The following SNX30 variants were observed in gnomAD, a reference collection of about 807,000 sequenced individuals.
SNX30 encodes sorting nexin family member 30, also known as sorting nexin-30.
SNX30 carries 24 observed loss-of-function variants against 46.4 expected under a neutral mutation model. The ratio of observed to expected loss-of-function variants is 0.52; its 90% CI spans 0.37 to 0.73. The LOEUF is 0.73. SNX30 is among the 30% of genes least tolerant of loss of function. SNX30 has a pLI of 0.00. For synonymous variants in SNX30, 189 were observed against 211.5 expected, an observed-to-expected ratio of 0.89 and a Z score of 0.92; for missense variants, 533 against 555.7, an observed-to-expected ratio of 0.96 and a Z score of 0.41.
At chr9:112,821,700 A>G (rs1376772734) in intron 3 of SNX30, among the ~76,000 whole-genome samples, 1 of 151,466 alleles carries the variant, frequency 6.6e-6, no homozygotes, top group Non-Finnish European at 1.5e-5. Context: ...GTTAGCCAGG[A>G]TGGTCTCCAT....
chr9:112,759,257 T>C (rs1022199251), intron 1 of SNX30, among the ~76,000 whole-genome samples: 1 of 152,170 alleles, frequency 6.6e-6, no homozygotes, highest in African/African-American at 2.4e-5. Flanking sequence ...TCTGACATAC[T>C]CCTCAGCCTC....
downstream of SNX30, among the ~76,000 whole-genome samples, chr9:112,882,737 G>A (rs1008970654): frequency 2.6e-5 from 4 of 152,084 alleles, no homozygotes; most frequent in South Asian, 2.1e-4. Context: ...TGGTGCCGCC[G>A]TTTAATGAGA....
chr9:112,788,948 A>G lies in SNX30; in HGVS notation c.157-15828A>G, dbSNP rs1030268987. 2.6e-5 allele frequency among the ~76,000 whole-genome samples: 4 copies of G among 152,112 alleles called. No homozygotes were observed. In the East Asian group the frequency reaches 7.7e-4, roughly 29 times the overall value. ...GTAGATGGGACCACAGGCATGCGCC[A>G]CCACGCCCAGCTAATTTTTGTATTT... is the stretch of plus-strand genomic sequence containing the variant. On this transcript the variant is annotated intron_variant, in intron 1 of 8. Coordinates refer to ENST00000374232, the MANE Select transcript of SNX30 (RefSeq NM_001012994.2).
At chr9:112,857,959 G>A (rs192219296) in intron 7 of SNX30, among the ~76,000 whole-genome samples, 23 of 152,254 alleles carry the variant, frequency 1.5e-4, no homozygotes, top group Admixed American at 4.6e-4. Flanking sequence ...TCCCATCCAC[G>A]TGACTCTTCT....
At chr9:112,842,810 G>A (rs1004463838) in intron 6 of SNX30, among the ~76,000 whole-genome samples, 2 of 152,228 alleles carry the variant, frequency 1.3e-5, no homozygotes, top group African/African-American at 4.8e-5. Flanking sequence ...AAGGCACTCG[G>A]AACAAATGGA....
intron 5 of SNX30, among the ~76,000 whole-genome samples, chr9:112,880,756 C>CCT (rs1841565983): frequency 6.6e-6 from 1 of 152,228 alleles, no homozygotes. Context: ...TCCTCTCCAT[C>CCT]CATTAGGCCA....
intron 2 of SNX30, among the ~76,000 whole-genome samples, chr9:112,816,584 A>C (rs560453595): frequency 5.3e-5 from 8 of 152,326 alleles, no homozygotes; most frequent in African/African-American, 1.9e-4. Flanking sequence ...CTTGAACTTC[A>C]CCATTTTGCT....
At chr9:112,773,328 C>T (rs1212611567) in intron 1 of SNX30, among the ~76,000 whole-genome samples, 1 of 152,030 alleles carries the variant, frequency 6.6e-6, no homozygotes, top group African/African-American at 2.4e-5. Flanking sequence ...AAAATCTCTT[C>T]TCATAACTGA....
chr9:112,763,365 T>TC (rs1460398966), intron 1 of SNX30, among the ~76,000 whole-genome samples: 2 of 118,550 alleles, frequency 1.7e-5, no homozygotes, highest in African/African-American at 3.3e-5. Context: ...TTAAACTTTT[T>TC]TTTTTTTTTT....
intron 2 of SNX30, among the ~76,000 whole-genome samples, chr9:112,807,644 A>G (rs1000506467): frequency 2.8e-4 from 43 of 152,238 alleles, no homozygotes; most frequent in African/African-American, 9.9e-4. Context: ...TAAACAGCCA[A>G]ATGACAAAGT....
At chr9:112,853,527 G>A (rs973789292) in intron 7 of SNX30, among the ~76,000 whole-genome samples, 4 of 152,186 alleles carry the variant, frequency 2.6e-5, no homozygotes, top group Admixed American at 2.6e-4. Flanking sequence ...TTTCAACAAA[G>A]GGATTTAAAG....
intron 7 of SNX30, among the ~76,000 whole-genome samples, chr9:112,858,500 G>A (rs1274629758): frequency 6.6e-6 from 1 of 152,174 alleles, no homozygotes; most frequent in Non-Finnish European, 1.5e-5. Context: ...GGGAAACAGA[G>A]CAAGACCTGT....
At chr9:112,771,572 T>C (rs75150488) in intron 1 of SNX30, among the ~76,000 whole-genome samples, 10,376 of 152,244 alleles carry the variant, frequency 0.068, 453 homozygotes, top group Non-Finnish European at 0.099. Context: ...TCTCCCAGCC[T>C]TCAAGAGTAT....
intron 3 of SNX30, among the ~76,000 whole-genome samples, chr9:112,829,944 A>T (rs1274299181): frequency 6.6e-6 from 1 of 152,192 alleles, no homozygotes; most frequent in African/African-American, 2.4e-5. Flanking sequence ...GTACAATTTT[A>T]AAAATATTTC....
At chr9:112,804,374 A>G (rs1022464741) in intron 1 of SNX30, among the ~76,000 whole-genome samples, 3 of 152,196 alleles carry the variant, frequency 2.0e-5, no homozygotes, top group Non-Finnish European at 4.4e-5. Flanking sequence ...CATGTTGGCC[A>G]GGCTGGTCTC....
chr9:112,770,286 C>G (rs1326386472), intron 1 of SNX30, among the ~76,000 whole-genome samples: 2 of 151,936 alleles, frequency 1.3e-5, no homozygotes, highest in Non-Finnish European at 2.9e-5. Context: ...ATTCTCCTGC[C>G]TCAGCCTCCC....
At chr9:112,763,958 A>C (rs1839487726) in intron 1 of SNX30, among the ~76,000 whole-genome samples, 1 of 152,156 alleles carries the variant, frequency 6.6e-6, no homozygotes, top group South Asian at 2.1e-4. Flanking sequence ...CCCATCACCC[A>C]AATAATGTAT....
At chr9:112,866,093 T>C (rs1298017880) in intron 8 of SNX30, among the ~76,000 whole-genome samples, 1 of 152,132 alleles carries the variant, frequency 6.6e-6, no homozygotes, top group African/African-American at 2.4e-5. Context: ...TATACATATT[T>C]AACAAATGCT....
chr9:112,819,768 G>A (rs1025048314), intron 3 of SNX30, among the ~76,000 whole-genome samples: 3 of 152,094 alleles, frequency 2.0e-5, no homozygotes, highest in Non-Finnish European at 4.4e-5. Flanking sequence ...TTTCCCAATC[G>A]GGGTAATGTG....
Sources: allele counts gnomAD v4.1 joint callset (sites outside exome capture counted in the v4.1 genomes callset), GRCh38; gene constraint gnomAD v4.1.1; transcripts MANE v1.5; gene names NCBI Gene and HGNC (gene_info 2026-07-23, HGNC 2026-07-21).